Variants in INO80 observed in about 807,000 individuals in gnomAD.
INO80 encodes chromatin-remodeling ATPase INO80.
A neutral mutation model predicts 203.4 loss-of-function variants in INO80; 20 were observed. The observed-to-expected ratio is 0.10, with a 90% confidence interval of 0.07 to 0.14. The LOEUF (loss-of-function observed/expected upper bound fraction) is 0.14. Among genes scored for constraint, INO80 ranks in the 10% least tolerant of loss-of-function variants. INO80 has a pLI of 1.00. For missense variants in INO80, 1,419 were observed against 1,914.4 expected (o/e 0.74, Z 4.83); for synonymous variants, 726 against 685.2 (o/e 1.06, Z -0.93).
chr15:41,038,172 G>C (rs1449051090), intron 24 of INO80, among the ~76,000 whole-genome samples: 9 of 151,356 alleles, frequency 5.9e-5, no homozygotes. Flanking sequence ...AGGCCACCAT[G>C]CCTGGCTAGT....
intron 1 of INO80, among the ~76,000 whole-genome samples, 189 bp downstream of exon 1, chr15:41,115,784 G>T (rs950436623): frequency 6.6e-6 from 1 of 152,190 alleles, no homozygotes; most frequent in Non-Finnish European, 1.5e-5. Flanking sequence ...GAAGGACAAG[G>T]CCCTAGTCCC....
intron 28 of INO80, among the ~76,000 whole-genome samples, chr15:41,002,909 C>G (rs1459278233): frequency 6.6e-6 from 1 of 152,262 alleles, no homozygotes; most frequent in Admixed American, 6.5e-5. Flanking sequence ...TTGAGACCAT[C>G]CTGGCTAACA....
intron 19 of INO80, among the ~76,000 whole-genome samples, chr15:41,053,230 C>A (rs974969859): frequency 6.6e-6 from 1 of 152,144 alleles, no homozygotes; most frequent in African/African-American, 2.4e-5. Context: ...CTCAGCCTCC[C>A]GAGTAACTGG....
chr15:41,039,110 T>C (rs868204780), intron 24 of INO80, among the ~76,000 whole-genome samples: 1 of 152,240 alleles, frequency 6.6e-6, no homozygotes, highest in African/African-American at 2.4e-5. Context: ...CTTGGAATTA[T>C]GTTCCTCCTA....
intron 6 of INO80, 98 bp from the exon 7 acceptor site, chr15:41,085,681 C>A: frequency 2.4e-6 from 2 of 846,276 alleles, no homozygotes; most frequent in Non-Finnish European, 3.8e-6. Context: ...CCTTATTCCA[C>A]CTGACACTGA....
rs191905971 is a variant in INO80, at chr15:41,090,373, C to T, written c.537+1654G>A. Among the ~76,000 whole-genome samples, 1,314 of 151,954 alleles carry T rather than the reference C, an allele frequency of 8.6e-3. 16 individuals are homozygous for T. The highest frequency in any genetic ancestry group is 0.014 in the Non-Finnish European group (934 of 67,952). ...GGAGGATCACCTGAGGTCAGGAGTT[C>T]GAGACCAACCTGGCCAACATGGTGA... On this transcript the variant is annotated intron_variant, in intron 5 of 35. Coordinates refer to ENST00000648947, the MANE Select transcript of INO80 (RefSeq NM_017553.3).
At chr15:41,060,359 C>A (rs2045080692) in intron 14 of INO80, among the ~76,000 whole-genome samples, 1 of 152,170 alleles carries the variant, frequency 6.6e-6, no homozygotes, top group African/African-American at 2.4e-5. Context: ...GAGGTCGAGG[C>A]AGGCGGATCA....
chr15:41,002,052 A>ATGTG (rs2043966377), intron 28 of INO80, among the ~76,000 whole-genome samples: 1 of 152,216 alleles, frequency 6.6e-6, no homozygotes, highest in African/African-American at 2.4e-5. Context: ...CTTCTTTGCC[A>ATGTG]TAATCCCAAC....
At chr15:41,010,479 C>G (rs1228084408) in intron 27 of INO80, among the ~76,000 whole-genome samples, 2 of 151,516 alleles carry the variant, frequency 1.3e-5, no homozygotes, top group Non-Finnish European at 2.9e-5. Flanking sequence ...TCCTATCTTA[C>G]AGATGTTAAG....
chr15:41,066,630 A>C (rs1221170718), intron 14 of INO80, among the ~76,000 whole-genome samples: 1 of 151,668 alleles, frequency 6.6e-6, no homozygotes, highest in Non-Finnish European at 1.5e-5. Flanking sequence ...GGAGTTAGAG[A>C]CCAGCCTTGG....
At chr15:41,105,280 G>T (rs1654202501) in intron 1 of INO80, among the ~76,000 whole-genome samples, 1 of 152,114 alleles carries the variant, frequency 6.6e-6, no homozygotes, top group Admixed American at 6.6e-5. Flanking sequence ...AAGCTTGGGG[G>T]TTGGGGGGGC....
intron 27 of INO80, among the ~76,000 whole-genome samples, chr15:41,008,812 C>T (rs2044090005): frequency 6.6e-6 from 1 of 152,098 alleles, no homozygotes; most frequent in African/African-American, 2.4e-5. Context: ...ACATCCCTTA[C>T]CTAGTAAATC....
chr15:41,068,130 A>G (rs2045252174), intron 14 of INO80, among the ~76,000 whole-genome samples: 1 of 152,206 alleles, frequency 6.6e-6, no homozygotes, highest in African/African-American at 2.4e-5. Flanking sequence ...GAGTATTAAG[A>G]AAATGAACTG....
chr15:41,100,831 T>C (rs1051513687), intron 1 of INO80, among the ~76,000 whole-genome samples: 6 of 136,164 alleles, frequency 4.4e-5, no homozygotes, highest in African/African-American at 1.1e-4. Context: ...CAATTTTTTC[T>C]TTTTTTTTTT....
Position 41,059,857 on chromosome 15 carries a change from A to G in INO80, c.1842+10T>C. 6.3e-7 allele frequency: 1 copy of G among 1,587,342 alleles called. No individual in the cohort carries two copies. The highest frequency in any genetic ancestry group is 1.7e-5 in the Admixed American group (1 of 59,330). ...CGGTACGTATGTATGCAGTTTAAGTAGAATGTTACCTGACTCCAGAACCTT... is the reference window on the plus strand; with the variant it reads ...CGGTACGTATGTATGCAGTTTAAGTGGAATGTTACCTGACTCCAGAACCTT... On this transcript the variant is annotated intron_variant, in intron 15 of 35. Transcript: ENST00000648947.
At chr15:41,048,413 C>A in intron 21 of INO80, 137 bp from the exon 22 acceptor site, 5 of 629,556 alleles carry the variant, frequency 7.9e-6, no homozygotes, top group South Asian at 4.1e-5. Context: ...TGCCATATTA[C>A]CAGGCAAAAA....
chr15:41,097,917 C>T (rs1264329095), intron 1 of INO80, among the ~76,000 whole-genome samples: 1 of 152,152 alleles, frequency 6.6e-6, no homozygotes, highest in African/African-American at 2.4e-5. Flanking sequence ...TGTGCCACTG[C>T]ACTCCAGGCT....
intron 28 of INO80, among the ~76,000 whole-genome samples, chr15:40,998,977 T>A (rs181504664): frequency 2.5e-4 from 21 of 85,538 alleles, no homozygotes; most frequent in African/African-American, 1.2e-3. Flanking sequence ...GACTCTAAGA[T>A]TTATCTACAC....
Position 41,110,517 on chromosome 15 carries a change from T to C in INO80, c.-44+5456A>G, listed in dbSNP as rs925094451. Reference sequence around the variant, plus strand: ...GCAGTGGCAGGATCACAGCGCACTATAGCCTTGACCTGCTGAGCTCAGGTG... The same window carrying C: ...GCAGTGGCAGGATCACAGCGCACTACAGCCTTGACCTGCTGAGCTCAGGTG... On this transcript the variant is annotated intron_variant, in intron 1 of 35. Coordinates refer to ENST00000648947, the MANE Select transcript of INO80 (RefSeq NM_017553.3). Among the ~76,000 whole-genome samples, 7 of 151,850 alleles carry C rather than the reference T, an allele frequency of 4.6e-5. No homozygotes were observed. The East Asian group carries it at 5.8e-4, about 13-fold the overall frequency.
Sources: allele counts gnomAD v4.1 joint callset (sites outside exome capture counted in the v4.1 genomes callset), GRCh38; gene constraint gnomAD v4.1.1; transcripts MANE v1.5; gene names NCBI Gene and HGNC (gene_info 2026-07-23, HGNC 2026-07-21).